The following ADGRL3 variants were observed in gnomAD, a reference collection of about 807,000 sequenced individuals.
The protein encoded by ADGRL3 is calcium-independent alpha-latrotoxin receptor 3.
Under a neutral mutation model 153.5 loss-of-function variants are expected in ADGRL3, and 62 were observed. The observed-to-expected ratio is 0.40, with a 90% CI of 0.33 to 0.50. The LOEUF (loss-of-function observed/expected upper bound fraction) is 0.50. Ranked by LOEUF, ADGRL3 falls within the 20% of genes least tolerant of loss-of-function variation. The pLI is 0.47. For missense variants in ADGRL3, 1,641 were observed against 1,859.4 expected (o/e 0.88, Z 2.16); for synonymous variants, 710 against 672.5 (o/e 1.06, Z -0.86).
At chr4:61,910,808 G>T (rs1483019685) in intron 12 of ADGRL3, among the ~76,000 whole-genome samples, 1 of 151,094 alleles carries the variant, frequency 6.6e-6, no homozygotes, top group Non-Finnish European at 1.5e-5. Context: ...ACTAGGGTAA[G>T]AATTTCAGTC....
intron 5 of ADGRL3, among the ~76,000 whole-genome samples, chr4:61,598,184 A>G (rs1246591865): frequency 1.3e-5 from 2 of 152,194 alleles, no homozygotes; most frequent in African/African-American, 4.8e-5. Flanking sequence ...AACTATAACA[A>G]CAAACATATG....
chr4:61,360,904 T>A (rs1424983500), intron 1 of ADGRL3, among the ~76,000 whole-genome samples: 1 of 152,214 alleles, frequency 6.6e-6, no homozygotes, highest in Non-Finnish European at 1.5e-5. Flanking sequence ...CATGTGTCTG[T>A]GTTGTCTCAC....
chr4:61,444,602 T>G (rs1357620474), intron 2 of ADGRL3, among the ~76,000 whole-genome samples: 1 of 152,150 alleles, frequency 6.6e-6, no homozygotes, highest in African/African-American at 2.4e-5. Flanking sequence ...TCTGTTATAC[T>G]TTCACCCTCT....
chr4:61,386,225 A>C lies in ADGRL3; in HGVS notation c.-174+3036A>C, dbSNP rs1186588528. Among the ~76,000 whole-genome samples the C allele has an allele frequency of 3.3e-5, 5 of 152,178 alleles. No individual in the cohort carries two copies. In the South Asian group the frequency reaches 1.0e-3, roughly 31 times the overall value. ...CTAATACATGACCAAGGCAACATTA[A>C]GAAAATGGCAGCTGATATTTCCCCT... is the stretch of plus-strand genomic sequence containing the variant. On this transcript the variant is annotated intron_variant, in intron 2 of 26. Transcript: ENST00000683033.
chr4:61,707,169 T>C (rs2095871119), intron 6 of ADGRL3, among the ~76,000 whole-genome samples: 1 of 152,140 alleles, frequency 6.6e-6, no homozygotes, highest in Admixed American at 6.6e-5. Flanking sequence ...ATAGGCATGG[T>C]TCGTGGTCCC....
chr4:61,325,005 A>G (rs1399840062), intron 1 of ADGRL3, among the ~76,000 whole-genome samples: 1 of 152,256 alleles, frequency 6.6e-6, no homozygotes. Context: ...TTACTTTACT[A>G]AGTGCATTGC....
intron 3 of ADGRL3, among the ~76,000 whole-genome samples, chr4:61,501,276 A>G (rs1020954551): frequency 5.3e-5 from 8 of 152,214 alleles, no homozygotes; most frequent in African/African-American, 1.9e-4. Context: ...TAACCTAAAA[A>G]TGTGTAGCTT....
At chr4:61,265,489 G>C (rs1285430820) in intron 1 of ADGRL3, among the ~76,000 whole-genome samples, 1 of 151,740 alleles carries the variant, frequency 6.6e-6, no homozygotes, top group African/African-American at 2.4e-5. Context: ...TAACTAAAGT[G>C]GCTTTGAACA....
intron 5 of ADGRL3, among the ~76,000 whole-genome samples, chr4:61,590,649 C>G (rs1428237580): frequency 1.3e-5 from 2 of 151,990 alleles, no homozygotes; most frequent in African/African-American, 4.8e-5. Flanking sequence ...TGAGAAAACT[C>G]AACTATACCA....
intron 1 of ADGRL3, among the ~76,000 whole-genome samples, chr4:61,249,269 A>T (rs1217539577): frequency 6.6e-6 from 1 of 152,158 alleles, no homozygotes; most frequent in East Asian, 1.9e-4. Context: ...ATTCATAAGG[A>T]TTAACTGTGT....
chr4:61,831,089 G>C (rs150217908), intron 9 of ADGRL3, among the ~76,000 whole-genome samples: 1 of 150,992 alleles, frequency 6.6e-6, no homozygotes, highest in East Asian at 2.0e-4. Context: ...GGATTTCACC[G>C]TGTTGGCCAG....
intron 21 of ADGRL3, among the ~76,000 whole-genome samples, chr4:62,021,352 A>G (rs1490999315): frequency 6.6e-6 from 1 of 152,182 alleles, no homozygotes; most frequent in South Asian, 2.1e-4. Flanking sequence ...GAAACATTGC[A>G]GAGTTATTAA....
intron 9 of ADGRL3, among the ~76,000 whole-genome samples, chr4:61,836,117 A>C (rs2097931291): frequency 1.3e-5 from 2 of 152,192 alleles, no homozygotes; most frequent in African/African-American, 4.8e-5. Flanking sequence ...TTACCATTGA[A>C]GAATATCTCA....
chr4:61,373,662 G>T (rs72634770), intron 1 of ADGRL3, among the ~76,000 whole-genome samples: 1 of 151,974 alleles, frequency 6.6e-6, no homozygotes, highest in Admixed American at 6.6e-5. Context: ...GCTGTTCTTT[G>T]ACTTTTGTTA....
intron 9 of ADGRL3, among the ~76,000 whole-genome samples, chr4:61,880,333 A>G (rs1362962188): frequency 2.0e-5 from 3 of 152,244 alleles, no homozygotes; most frequent in African/African-American, 7.2e-5. Flanking sequence ...GTTCCTTGAG[A>G]CACTAGATCT....
At chr4:61,523,121 A>C (rs186445607) in intron 4 of ADGRL3, among the ~76,000 whole-genome samples, 2 of 152,074 alleles carry the variant, frequency 1.3e-5, no homozygotes. Context: ...GACGATGATG[A>C]GTAATCCTTC....
intron 4 of ADGRL3, among the ~76,000 whole-genome samples, chr4:61,545,035 G>T (rs1484160443): frequency 6.6e-6 from 1 of 152,066 alleles, no homozygotes; most frequent in African/African-American, 2.4e-5. Context: ...TTGATTTGTG[G>T]TAAGTTGATT....
chr4:61,882,869 G>T (rs1298375623), intron 9 of ADGRL3, among the ~76,000 whole-genome samples: 2 of 152,214 alleles, frequency 1.3e-5, no homozygotes, highest in Non-Finnish European at 2.9e-5. Context: ...ACTTTGGGAG[G>T]CCGAGGTGGT....
chr4:61,214,688 T>G (rs912020107), intron 1 of ADGRL3, among the ~76,000 whole-genome samples: 3 of 152,076 alleles, frequency 2.0e-5, no homozygotes, highest in Admixed American at 2.0e-4. Context: ...ATAATCCCGG[T>G]ACTTTGGGAG....
Sources: allele counts gnomAD v4.1 joint callset (sites outside exome capture counted in the v4.1 genomes callset), GRCh38; gene constraint gnomAD v4.1.1; transcripts MANE v1.5; gene names NCBI Gene and HGNC (gene_info 2026-07-23, HGNC 2026-07-21).